CA5A: variants seen among roughly 807,000 people sequenced by gnomAD.
CA5A encodes the protein carbonic anhydrase 5A.
In CA5A, 28 loss-of-function variants were observed where a neutral mutation model predicts 37.1. The ratio of observed to expected loss-of-function variants is 0.75; its 90% CI spans 0.56 to 1.03. The LOEUF (loss-of-function observed/expected upper bound fraction) is 1.03. Among genes scored for constraint, CA5A ranks in the 50% least tolerant of loss-of-function variants. CA5A has a pLI of 0.00. For missense variants in CA5A, 444 were observed against 399.9 expected (o/e 1.11, Z -0.94); for synonymous variants, 171 against 158.4 (o/e 1.08, Z -0.60).
intron 3 of CA5A, among the ~76,000 whole-genome samples, chr16:87,903,037 G>GGT (rs1555520779): frequency 1.1e-4 from 15 of 134,464 alleles, no homozygotes; most frequent in Non-Finnish European, 1.7e-4. Context: ...TCTTCCTGGT[G>GGT]GGGGGGGAAA....
At position 87,911,099 on chromosome 16, in the gene CA5A, C is replaced by CAA. The variant is rs11314702; in HGVS notation, c.341-6197_341-6196dup. ...ACAATGTCAGGGTATTCTCCTTAAT[C>CAA]AAAAAAAAAAAAAAAAAAAAAGGCA... is the stretch of plus-strand genomic sequence containing the variant. On this transcript the variant is annotated intron_variant, in intron 2 of 6. Coordinates refer to ENST00000649794, the MANE Select transcript of CA5A (RefSeq NM_001739.2). This position sits in a 1 kb window ranked among gnomAD's most constrained non-coding sequence, Gnocchi z 4.6. 0.033 allele frequency among the ~76,000 whole-genome samples: 3,225 copies of CAA among 96,308 alleles called. 153 individuals carry two copies. Among genetic ancestry groups the CAA allele is most frequent in the African/African-American group, 0.1 (3,023 of 29,550 alleles). 63.2% of individuals were successfully genotyped at this position (96,308 alleles called of 152,430 possible).
intron 2 of CA5A, among the ~76,000 whole-genome samples, chr16:87,922,264 G>T (rs1390482581): frequency 6.6e-6 from 1 of 152,122 alleles, no homozygotes; most frequent in Non-Finnish European, 1.5e-5. Flanking sequence ...GACCAGGTGC[G>T]GTGGGGAAGG....
Position 87,893,746 on chromosome 16 carries a change from G to A in CA5A, c.619-1792C>T. 6.4e-6 allele frequency: 3 copies of A among 470,278 alleles called. No individual in the cohort carries two copies. In the Admixed American group the frequency reaches 7.5e-5, roughly 12 times the overall value. The allele number at this position is 470,278 out of a possible 1,614,324, so 29.1% of individuals were successfully genotyped here. ...GGCCAGCTACCTCAGTAAAATCAGA[G>A]AGGATTATTTTGCATTGAATACACT... On this transcript the variant is annotated intron_variant, in intron 5 of 6. Transcript: ENST00000649794.
At chr16:87,928,423 G>C (rs1012261939) in intron 1 of CA5A, among the ~76,000 whole-genome samples, 1 of 152,160 alleles carries the variant, frequency 6.6e-6, no homozygotes, top group African/African-American at 2.4e-5. Context: ...CTGTCCCAAA[G>C]TGAGGCAGGC....
intron 2 of CA5A, among the ~76,000 whole-genome samples, chr16:87,920,675 T>C (rs2056217907): frequency 6.6e-6 from 1 of 152,018 alleles, no homozygotes; most frequent in Non-Finnish European, 1.5e-5. Flanking sequence ...TGGAGTGCAG[T>C]GGCGTGATCT....
At chr16:87,897,268 G>C (rs1370002939) in intron 5 of CA5A, among the ~76,000 whole-genome samples, 1 of 152,278 alleles carries the variant, frequency 6.6e-6, no homozygotes, top group African/African-American at 2.4e-5. Context: ...CAGGGAGGAG[G>C]GGGGACCCCA....
chr16:87,929,383 C>T (rs1207187180), intron 1 of CA5A, among the ~76,000 whole-genome samples: 4 of 141,108 alleles, frequency 2.8e-5, no homozygotes, highest in Non-Finnish European at 4.5e-5. Flanking sequence ...ATCTGGGAGG[C>T]GGAGATTGCA....
chr16:87,900,934 A>T (rs1302547354), intron 5 of CA5A, among the ~76,000 whole-genome samples: 2 of 152,246 alleles, frequency 1.3e-5, no homozygotes, highest in Non-Finnish European at 2.9e-5. Flanking sequence ...TTAAAGAAAA[A>T]TATTAACTAG....
At chr16:87,921,742 G>T (rs867887059) in intron 2 of CA5A, among the ~76,000 whole-genome samples, 1 of 152,218 alleles carries the variant, frequency 6.6e-6, no homozygotes, top group Non-Finnish European at 1.5e-5. Context: ...CAAAGCCACG[G>T]ACTGGCGGGA....
At chr16:87,914,424 C>T (rs140751054) in intron 2 of CA5A, among the ~76,000 whole-genome samples, 41 of 152,334 alleles carry the variant, frequency 2.7e-4, no homozygotes, top group African/African-American at 9.4e-4. Context: ...GTGCTAGCCA[C>T]GCGGCGGGTG....
At chr16:87,931,567 G>A (rs1567540045) in intron 1 of CA5A, among the ~76,000 whole-genome samples, 1 of 152,212 alleles carries the variant, frequency 6.6e-6, no homozygotes, top group Non-Finnish European at 1.5e-5. Context: ...GCAGGAAGGA[G>A]AATAAGGGAG....
chr16:87,900,183 C>G (rs2055859111), intron 5 of CA5A, among the ~76,000 whole-genome samples: 1 of 152,152 alleles, frequency 6.6e-6, no homozygotes, highest in African/African-American at 2.4e-5. Context: ...TTCTTTCCCA[C>G]CAAGAGGTGG....
chr16:87,935,736 T>G (rs2056461968), intron 1 of CA5A, among the ~76,000 whole-genome samples: 1 of 151,690 alleles, frequency 6.6e-6, no homozygotes, highest in African/African-American at 2.4e-5. Context: ...ATTAGCTGGG[T>G]GCAGTGGCGG....
chr16:87,935,541 A>G (rs1324217610), intron 1 of CA5A, among the ~76,000 whole-genome samples: 1 of 152,188 alleles, frequency 6.6e-6, no homozygotes, highest in Non-Finnish European at 1.5e-5. Context: ...GACCCCTGAA[A>G]CGGAGGCTAA....
chr16:87,932,062 T>C (rs2056413878), intron 1 of CA5A, among the ~76,000 whole-genome samples: 2 of 151,172 alleles, frequency 1.3e-5, no homozygotes, highest in Admixed American at 6.6e-5. Context: ...TGCAGTGAGC[T>C]GAGATTGCGC....
In CA5A at chr16:87,911,079, G is replaced by A. The variant is rs1318609606; in HGVS notation, c.341-6175C>T. Among the ~76,000 whole-genome samples the A allele has an allele frequency of 1.4e-5, 2 of 139,722 alleles. No homozygotes were observed. Among genetic ancestry groups the A allele is most frequent in the Admixed American group, 1.5e-4 (2 of 13,442 alleles). The allele number at this position is 139,722 out of a possible 152,430, so 91.7% of individuals were successfully genotyped here. ...TGACTTTTCATAATGACAATACAAT[G>A]TCAGGGTATTCTCCTTAATCAAAAA... On this transcript the variant is annotated intron_variant, in intron 2 of 6. Transcript: ENST00000649794. This position sits in a 1 kb window ranked among gnomAD's most constrained non-coding sequence, Gnocchi z 4.6.
chr16:87,932,769 T>G (rs918949686), intron 1 of CA5A, among the ~76,000 whole-genome samples: 9 of 152,090 alleles, frequency 5.9e-5, no homozygotes, highest in Admixed American at 4.6e-4. Flanking sequence ...AGACCCCATC[T>G]CCCCGATGCA....
At chr16:87,931,552 T>C (rs1403403353) in intron 1 of CA5A, among the ~76,000 whole-genome samples, 1 of 152,208 alleles carries the variant, frequency 6.6e-6, no homozygotes, top group Admixed American at 6.5e-5. Context: ...TCAGTTTCTA[T>C]ATCTGCAGGA....
chr16:87,889,797 A>AAAAAAT (rs1467253766), intron 6 of CA5A, among the ~76,000 whole-genome samples: 1 of 152,192 alleles, frequency 6.6e-6, no homozygotes, highest in Non-Finnish European at 1.5e-5. Context: ...AATAAAAAAT[A>AAAAAAT]AAAAAAGACT....
Sources: allele counts gnomAD v4.1 joint callset (sites outside exome capture counted in the v4.1 genomes callset), GRCh38; gene constraint gnomAD v4.1.1; non-coding constraint Gnocchi (gnomAD v3.1); transcripts MANE v1.5; gene names NCBI Gene and HGNC (gene_info 2026-07-23, HGNC 2026-07-21).